Variants in CD59 observed in about 807,000 individuals in gnomAD.
The protein encoded by CD59 is CD59 molecule (CD59 blood group).
CD59 carries 3 observed loss-of-function variants against 7.0 expected under a neutral mutation model. That is an observed-to-expected ratio of 0.43 (90% CI 0.19 to 1.10). The LOEUF (loss-of-function observed/expected upper bound fraction) is 1.10. CD59 is among the 50% of genes least tolerant of loss of function. CD59 has a pLI of 0.29. For missense variants in CD59, 143 were observed against 151.0 expected (o/e 0.95, Z 0.28); for synonymous variants, 60 against 62.0 (o/e 0.97, Z 0.15).
rs1474016263 is a variant in CD59 at position 33,703,548 on chromosome 11, A to ATG, written c.*6577_*6578insCA. ...TCATTTGGAACCAACTGAGAGACAC[A>ATG]AGTCCCTCTTCGTTGATCAGGGTCA... is the stretch of plus-strand genomic sequence containing the variant. On this transcript the variant is annotated 3_prime_UTR_variant, in exon 4 of 4. Transcript: ENST00000642928. The ATG allele has an allele frequency of 2.0e-5, 3 of 152,350 alleles. No homozygotes were observed. The highest frequency in any genetic ancestry group is 2.1e-4 in the South Asian group (1 of 4,826). 9.4% of individuals were successfully genotyped at this position (152,350 alleles called of 1,614,324 possible).
chr11:33,722,876 A>G (rs41275168), intron 1 of CD59: 10,953 of 977,086 alleles, frequency 0.011, 78 homozygotes, highest in Middle Eastern at 0.019. Context: ...AGGCACCAGC[A>G]TGCATTCAGC....
chr11:33,712,054 T>C (rs1220035580), intron 3 of CD59, among the ~76,000 whole-genome samples: 1 of 152,268 alleles, frequency 6.6e-6, no homozygotes, highest in Non-Finnish European at 1.5e-5. Flanking sequence ...AGTAATTTAA[T>C]ACTGTTATCA....
At chr11:33,726,548 A>G (rs1380048090) in intron 1 of CD59, among the ~76,000 whole-genome samples, 2 of 152,246 alleles carry the variant, frequency 1.3e-5, no homozygotes, top group African/African-American at 4.8e-5. Context: ...GGAAATTTAT[A>G]GCACTAAATG....
In CD59 at chr11:33,705,072, GAGGTAGTTT is replaced by G. The variant is rs1284162449; in HGVS notation, c.*5045_*5053del. 1 of 152,160 alleles carries G rather than the reference GAGGTAGTTT, an allele frequency of 6.6e-6. No individual in the cohort carries two copies. Among genetic ancestry groups the G allele is most frequent in the African/African-American group, 2.4e-5 (1 of 41,412 alleles). The allele number at this position is 152,160 out of a possible 1,614,324, so 9.4% of individuals were successfully genotyped here. A position where few individuals can be genotyped will look rare whatever the true frequency, so the allele number is the denominator to read the frequency against. On this transcript the variant is annotated 3_prime_UTR_variant, in exon 4 of 4. Coordinates refer to ENST00000642928, the MANE Select transcript of CD59 (RefSeq NM_000611.6). ...TAAGAATTTAAAAAAATAAACCTGA[GAGGTAGTTT>G]AGTGGAATAGGGAGTACAGAGGCCT...
At position 33,710,120 on chromosome 11, in the gene CD59, G is replaced by T; in HGVS notation, c.*6C>A. The T allele has an allele frequency of 6.2e-7, 1 of 1,607,952 alleles. No individual in the cohort carries two copies. The highest frequency in any genetic ancestry group is 1.7e-4 in the Middle Eastern group (1 of 6,038). ...GGAGTTTGGGAGAAGCTCTCCTGGTGTTGACTTAGGGATGAAGGCTCCAGG... is the reference window on the plus strand; with the variant it reads ...GGAGTTTGGGAGAAGCTCTCCTGGTTTTGACTTAGGGATGAAGGCTCCAGG... On this transcript the variant is annotated 3_prime_UTR_variant, in exon 4 of 4. Transcript: ENST00000642928.
chr11:33,731,936 G>T (rs974870788), intron 1 of CD59, among the ~76,000 whole-genome samples: 9 of 152,196 alleles, frequency 5.9e-5, no homozygotes, highest in African/African-American at 2.2e-4. Context: ...GGGACCTGGT[G>T]GGAGATAATT....
chr11:33,718,342 GC>G (rs1055376941), intron 2 of CD59: 1 of 152,272 alleles, frequency 6.6e-6, no homozygotes, highest in African/African-American at 2.4e-5. Context: ...AATTAGCCAG[GC>G]ATGGTGGTGC....
rs534115741 is a variant in CD59, at chr11:33,703,650, G to A, written c.*6476C>T. Reference sequence around the variant, plus strand: ...CACCTCTACCTTAAGCTTACCCAGCGTGAGGCCAGGTTAGAAAGTCACAGG... The same window carrying A: ...CACCTCTACCTTAAGCTTACCCAGCATGAGGCCAGGTTAGAAAGTCACAGG... On this transcript the variant is annotated 3_prime_UTR_variant, in exon 4 of 4. Coordinates refer to ENST00000642928, the MANE Select transcript of CD59 (RefSeq NM_000611.6). The A allele has an allele frequency of 6.6e-6, 1 of 152,328 alleles. No homozygotes were observed. Among genetic ancestry groups the A allele is most frequent in the Admixed American group, 6.5e-5 (1 of 15,308 alleles). The allele number at this position is 152,328 out of a possible 1,614,324, so 9.4% of individuals were successfully genotyped here.
chr11:33,726,575 G>A (rs1854265186), intron 1 of CD59, among the ~76,000 whole-genome samples: 1 of 152,096 alleles, frequency 6.6e-6, no homozygotes, highest in Non-Finnish European at 1.5e-5. Flanking sequence ...AGAGAAAGCA[G>A]GAAAGATCTA....
In CD59 at chr11:33,705,589, G is replaced by T; in HGVS notation, c.*4537C>A. 6.6e-6 allele frequency: 1 copy of T among 152,410 alleles called. No homozygotes were observed. Among genetic ancestry groups the T allele is most frequent in the South Asian group, 2.0e-4 (1 of 4,884 alleles). The allele number at this position is 152,410 out of a possible 1,614,324, so 9.4% of individuals were successfully genotyped here. On this transcript the variant is annotated 3_prime_UTR_variant, in exon 4 of 4. Transcript: ENST00000642928. Reference sequence around the variant, plus strand: ...AGGGGCTCTTGGGCCTTTGGCCACAGACTGAAGGCTGGCTGCACTGTCAGC... The same window carrying T: ...AGGGGCTCTTGGGCCTTTGGCCACATACTGAAGGCTGGCTGCACTGTCAGC...
chr11:33,727,182 G>A (rs1854283285), intron 1 of CD59, among the ~76,000 whole-genome samples: 1 of 152,152 alleles, frequency 6.6e-6, no homozygotes, highest in South Asian at 2.1e-4. Flanking sequence ...TATGAGGCCA[G>A]CATCATCTTG....
intron 3 of CD59, among the ~76,000 whole-genome samples, chr11:33,716,723 T>C (rs1333651719): frequency 6.6e-6 from 1 of 152,168 alleles, no homozygotes; most frequent in South Asian, 2.1e-4. Flanking sequence ...CATGTTAGCA[T>C]TGCCCATCCC....
At chr11:33,731,774 A>C (rs1485178805) in intron 1 of CD59, among the ~76,000 whole-genome samples, 1 of 151,102 alleles carries the variant, frequency 6.6e-6, no homozygotes, top group Non-Finnish European at 1.5e-5. Flanking sequence ...TTAGTTCTTA[A>C]ATATTTAGGA....
intron 2 of CD59, 69 bp from the exon 3 acceptor site, chr11:33,717,540 C>T (rs1853854822): frequency 1.5e-5 from 14 of 947,960 alleles, no homozygotes; most frequent in Middle Eastern, 2.1e-4. Context: ...CCCACCATCT[C>T]CATTAATATG....
At chr11:33,723,090 A>G (rs1854143445) in intron 1 of CD59, 1 of 387,936 alleles carries the variant, frequency 2.6e-6, no homozygotes, top group Non-Finnish European at 3.6e-6. Flanking sequence ...CTCCAACCCT[A>G]CTTTACCCAG....
At chr11:33,732,578 A>G (rs982005148) in intron 1 of CD59, among the ~76,000 whole-genome samples, 1 of 152,234 alleles carries the variant, frequency 6.6e-6, no homozygotes, top group African/African-American at 2.4e-5. Flanking sequence ...GAATGGACTA[A>G]TACACCTTGT....
chr11:33,712,293 T>C (rs831619), intron 3 of CD59, among the ~76,000 whole-genome samples: 24,828 of 152,166 alleles, frequency 0.16, 2,331 homozygotes, highest in South Asian at 0.29. Flanking sequence ...TTATCGTAGT[T>C]TGAATTGAAA....
intron 2 of CD59, among the ~76,000 whole-genome samples, 167 bp downstream of exon 2, chr11:33,722,212 G>A (rs1854099381): frequency 6.6e-6 from 1 of 152,156 alleles, no homozygotes; most frequent in Non-Finnish European, 1.5e-5. Flanking sequence ...CTGAGGACAA[G>A]GTCATAACAT....
chr11:33,725,829 A>C (rs927902484), intron 1 of CD59, among the ~76,000 whole-genome samples: 4 of 152,202 alleles, frequency 2.6e-5, no homozygotes, highest in African/African-American at 9.7e-5. Flanking sequence ...GCTACTCACA[A>C]TGAATTAAGA....
Sources: allele counts gnomAD v4.1 joint callset (sites outside exome capture counted in the v4.1 genomes callset), GRCh38; gene constraint gnomAD v4.1.1; transcripts MANE v1.5; gene names NCBI Gene and HGNC (gene_info 2026-07-23, HGNC 2026-07-21).